THUMPD3: variants seen among roughly 807,000 people sequenced by gnomAD.
THUMPD3 encodes the protein tRNA (guanine(6)-N(2))-methyltransferase THUMP3.
In THUMPD3, 44 loss-of-function variants were observed where a neutral mutation model predicts 54.5. That is an observed-to-expected ratio of 0.81 (90% CI 0.63 to 1.04). THUMPD3 has a LOEUF of 1.04. Among genes scored for constraint, THUMPD3 ranks in the 50% least tolerant of loss-of-function variants. The probability of loss-of-function intolerance (pLI) is 0.00; values close to 1 mark genes in which losing one functional copy is unlikely to be tolerated. For synonymous variants in THUMPD3, 196 were observed against 201.4 expected (o/e 0.97, Z 0.23); for missense variants, 604 against 601.3 (o/e 1.00, Z -0.05).
At chr3:9,369,739 A>G (rs1232560795) in intron 3 of THUMPD3, among the ~76,000 whole-genome samples, 1 of 152,222 alleles carries the variant, frequency 6.6e-6, no homozygotes, top group Admixed American at 6.5e-5. Flanking sequence ...CAAATACACT[A>G]TGTAAATTCT....
intron 2 of THUMPD3, among the ~76,000 whole-genome samples, chr3:9,365,618 A>G (rs1282080336): frequency 6.6e-6 from 1 of 150,796 alleles, no homozygotes; most frequent in Non-Finnish European, 1.5e-5. Flanking sequence ...TTTGAGACAG[A>G]GTCTTGCTCT....
rs2033328153 is a variant in THUMPD3, at chr3:9,386,354, TTCACCACGATGTC to T, written c.*1668_*1680del. The T allele has an allele frequency of 6.6e-6, 1 of 151,866 alleles. No individual in the cohort carries two copies. Among genetic ancestry groups the T allele is most frequent in the Non-Finnish European group, 1.5e-5 (1 of 67,894 alleles). 9.4% of individuals were successfully genotyped at this position (151,866 alleles called of 1,614,324 possible). ...AGGAAGTTCAAGGACCATGTCTGTT[TTCACCACGATGTC>T]TTTCCCCACCCCCCCACCCCCCACT... On this transcript the variant is annotated 3_prime_UTR_variant, in exon 10 of 10. Transcript: ENST00000452837.
chr3:9,384,445 C>T lies in THUMPD3; in HGVS notation c.1360-79C>T, dbSNP rs958233733. 6 of 1,601,050 alleles carry T rather than the reference C, an allele frequency of 3.7e-6. No homozygotes were observed. In the South Asian group the frequency reaches 6.7e-5, roughly 18 times the overall value. ...TTGTTTTCTCTTCCCCTGAGGTTTCCTATCTTGGCAGTTAAGAATCCTAGT... is the reference window on the plus strand; with the variant it reads ...TTGTTTTCTCTTCCCCTGAGGTTTCTTATCTTGGCAGTTAAGAATCCTAGT... On this transcript the variant is annotated intron_variant, in intron 9 of 9. Coordinates refer to ENST00000452837, the MANE Select transcript of THUMPD3 (RefSeq NM_001114092.2).
intron 5 of THUMPD3, among the ~76,000 whole-genome samples, chr3:9,376,042 T>C (rs2032436551): frequency 6.6e-6 from 1 of 152,160 alleles, no homozygotes; most frequent in South Asian, 2.1e-4. Flanking sequence ...TAAAGGAAAA[T>C]CTTCTAGTCT....
At chr3:9,366,014 T>G (rs1052386581) in intron 2 of THUMPD3, among the ~76,000 whole-genome samples, 4 of 152,156 alleles carry the variant, frequency 2.6e-5, no homozygotes, top group African/African-American at 9.7e-5. Context: ...GTAGTAGGAT[T>G]GCTACATTTT....
rs760149655 is a variant in THUMPD3 at position 9,384,295 on chromosome 3, G to A, written c.1319G>A (p.Arg440Gln). The change falls in exon 9 of 10, where the codon CGA (arginine) becomes CAA (glutamine). Residue 440 changes from arginine to glutamine, a missense_variant. By Grantham distance (43) the Arg-to-Gln change is conservative. Transcript: ENST00000452837. ...CGTGTCTGCACACCTACCACAGGCC[G>A]AGCTGTACTACTTACTCAAGACACA... ...MSRVCTPTTGRAVLLTQDTKC... is the reference protein window; with the variant it reads ...MSRVCTPTTGQAVLLTQDTKC... 2.8e-5 allele frequency: 45 copies of A among 1,614,022 alleles called. No individual in the cohort carries two copies. The highest frequency in any genetic ancestry group is 3.7e-5 in the Non-Finnish European group (44 of 1,180,012).
At chr3:9,380,728 T>C in intron 7 of THUMPD3, 110 bp downstream of exon 7, 1 of 636,062 alleles carries the variant, frequency 1.6e-6, no homozygotes, top group Non-Finnish European at 2.7e-6. Flanking sequence ...GTAACCAAAA[T>C]GAATATACTA....
intron 7 of THUMPD3, among the ~76,000 whole-genome samples, chr3:9,381,911 C>T (rs1367901647): frequency 6.6e-6 from 1 of 150,694 alleles, no homozygotes; most frequent in Non-Finnish European, 1.5e-5. Context: ...TCCCAAGTAG[C>T]TGGGACTACA....
rs941932651 is a variant in THUMPD3 at position 9,384,693 on chromosome 3, G to A, written c.*5G>A. ...CTTTGGCAATGCAAAGAATGAAGATGACTAATAGTACTTGTACTTCCCACC... is the reference window on the plus strand; with the variant it reads ...CTTTGGCAATGCAAAGAATGAAGATAACTAATAGTACTTGTACTTCCCACC... On this transcript the variant is annotated 3_prime_UTR_variant, in exon 10 of 10. Coordinates refer to ENST00000452837, the MANE Select transcript of THUMPD3 (RefSeq NM_001114092.2). 3.7e-6 allele frequency: 6 copies of A among 1,614,036 alleles called. No homozygotes were observed. The highest frequency in any genetic ancestry group is 5.1e-6 in the Non-Finnish European group (6 of 1,179,992).
At chr3:9,381,818 C>T (rs1399365505) in intron 7 of THUMPD3, among the ~76,000 whole-genome samples, 4 of 106,280 alleles carry the variant, frequency 3.8e-5, no homozygotes, top group South Asian at 7.1e-4. Context: ...CTCACTCTGT[C>T]GCCCAGGCTG....
chr3:9,373,988 A>T (rs116431697), intron 4 of THUMPD3, among the ~76,000 whole-genome samples: 1 of 152,220 alleles, frequency 6.6e-6, no homozygotes, highest in African/African-American at 2.4e-5. Flanking sequence ...GTTTTTACTT[A>T]TATACACGAT....
Position 9,371,140 on chromosome 3 carries a change from C to A in THUMPD3, c.411C>A (p.Ala137=), listed in dbSNP as rs1271056767. 1.9e-6 allele frequency: 3 copies of A among 1,609,468 alleles called. No individual in the cohort carries two copies. The highest frequency in any genetic ancestry group is 2.5e-6 in the Non-Finnish European group (3 of 1,179,018). ...SNPLKVWKIN[A]SFKKKKAKRK... The stretch of plus-strand genomic sequence containing the variant: ...CCTTAAAAGTGTGGAAAATTAATGC[C>A]AGTTTTAAAAAGAAAAAAGCAAAGC... Residue 137 remains alanine (A), a synonymous_variant, in exon 4 of 10, where the codon GCC becomes GCA. Coordinates refer to ENST00000452837, the MANE Select transcript of THUMPD3 (RefSeq NM_001114092.2).
rs1215097172 is a variant in THUMPD3 at position 9,385,802 on chromosome 3, G to C, written c.*1114G>C. 2.0e-5 allele frequency: 3 copies of C among 152,076 alleles called. No individual in the cohort carries two copies. The highest frequency in any genetic ancestry group is 4.4e-5 in the Non-Finnish European group (3 of 68,016). The allele number at this position is 152,076 out of a possible 1,614,324, so 9.4% of individuals were successfully genotyped here. A position where few individuals can be genotyped will look rare whatever the true frequency, so the allele number is the denominator to read the frequency against. On this transcript the variant is annotated 3_prime_UTR_variant, in exon 10 of 10. Transcript: ENST00000452837. ...AAGAGAAAAAAAATGATATATCTTTGGAAAACTTTTAATTTGGGAGTTATG... is the reference window on the plus strand; with the variant it reads ...AAGAGAAAAAAAATGATATATCTTTCGAAAACTTTTAATTTGGGAGTTATG...
At position 9,384,711 on chromosome 3, in the gene THUMPD3, T is replaced by C. The variant is rs571834814; in HGVS notation, c.*23T>C. 6.2e-7 allele frequency: 1 copy of C among 1,612,128 alleles called. No homozygotes were observed. Among genetic ancestry groups the C allele is most frequent in the Non-Finnish European group, 8.5e-7 (1 of 1,178,598 alleles). ...TGAAGATGACTAATAGTACTTGTAC[T>C]TCCCACCACTGGAAATGTTAGCATA... On this transcript the variant is annotated 3_prime_UTR_variant, in exon 10 of 10. Coordinates refer to ENST00000452837, the MANE Select transcript of THUMPD3 (RefSeq NM_001114092.2).
intron 3 of THUMPD3, among the ~76,000 whole-genome samples, chr3:9,368,146 A>T (rs950672271): frequency 3.3e-5 from 5 of 152,306 alleles, no homozygotes; most frequent in Middle Eastern, 3.4e-3. Context: ...AGCAATTCTA[A>T]TGAGTTCTCT....
In THUMPD3 at chr3:9,386,043, CTCT is replaced by C. The variant is rs937653898; in HGVS notation, c.*1357_*1359del. ...TCCTATTAGTATTATAATAGTACTC[CTCT>C]TAATACTTTCTGATGTCTCCATTGA... is the stretch of plus-strand genomic sequence containing the variant. On this transcript the variant is annotated 3_prime_UTR_variant, in exon 10 of 10. Transcript: ENST00000452837. The C allele has an allele frequency of 7.2e-5, 11 of 152,228 alleles. No homozygotes were observed. The highest frequency in any genetic ancestry group is 2.4e-4 in the African/African-American group (10 of 41,534). The allele number at this position is 152,228 out of a possible 1,614,324, so 9.4% of individuals were successfully genotyped here. A position where few individuals can be genotyped will look rare whatever the true frequency, so the allele number is the denominator to read the frequency against.
chr3:9,371,349 C>A lies in THUMPD3; in HGVS notation c.620C>A (p.Ser207Tyr), dbSNP rs773491350. Residue 207 changes from serine to tyrosine, a missense_variant, in exon 4 of 10, where the codon TCT becomes TAT. Transcript: ENST00000452837. ...VSTLIGDDLA[S>Y]CKDETDESSK... ...ACATTAATAGGTGATGATTTGGCAT[C>A]TTGCAAAGATGAGACTGATGAAAGC... 1 of 1,614,158 alleles carries A rather than the reference C, an allele frequency of 6.2e-7. No homozygotes were observed. Among genetic ancestry groups the A allele is most frequent in the Non-Finnish European group, 8.5e-7 (1 of 1,180,034 alleles).
intron 4 of THUMPD3, among the ~76,000 whole-genome samples, chr3:9,373,387 T>C (rs1182383734): frequency 6.6e-6 from 1 of 151,988 alleles, no homozygotes; most frequent in Non-Finnish European, 1.5e-5. Flanking sequence ...TCCCAGGTAC[T>C]TGGGAGGCTG....
At chr3:9,374,413 G>C in intron 4 of THUMPD3, 103 bp from the exon 5 acceptor site, 1 of 1,414,838 alleles carries the variant, frequency 7.1e-7, no homozygotes, top group South Asian at 1.3e-5. Flanking sequence ...GGACCAACAG[G>C]TTGCCTAAGG....
Sources: gnomAD v4.1 joint callset for allele counts (sites outside exome capture counted in the v4.1 genomes callset) on GRCh38, gnomAD v4.1.1 for gene constraint, MANE v1.5 for transcripts, NCBI Gene and HGNC (gene_info 2026-07-23, HGNC 2026-07-21) for gene names.